The following HTR4 variants were observed in gnomAD, a reference collection of about 807,000 sequenced individuals.
HTR4 encodes 5-hydroxytryptamine receptor 4.
HTR4 carries 16 observed loss-of-function variants against 36.8 expected under a neutral mutation model. The observed-to-expected ratio is 0.43, with a 90% CI of 0.29 to 0.66. HTR4 has a LOEUF of 0.66. Among genes scored for constraint, HTR4 ranks in the 30% least tolerant of loss-of-function variants. HTR4 has a pLI of 0.13. For synonymous variants in HTR4, 189 were observed against 185.1 expected (o/e 1.02, Z -0.17); for missense variants, 438 against 490.9 (o/e 0.89, Z 1.02).
At position 148,605,345 on chromosome 5, in the gene HTR4, G is replaced by A. The variant is rs146329033; in HGVS notation, c.26+31644C>T. ...GTGATCTCGGCTCACTGCAACCTCC[G>A]CCTCCCAGGTTCAAGCGATTCTCCT... is the stretch of plus-strand genomic sequence containing the variant. On this transcript the variant is annotated intron_variant, in intron 2 of 6. Coordinates refer to ENST00000377888, the MANE Select transcript of HTR4 (RefSeq NM_000870.7). Among the ~76,000 whole-genome samples the A allele has an allele frequency of 7.5e-3, 1,025 of 136,742 alleles. 14 individuals are homozygous for A. The highest frequency in any genetic ancestry group is 0.027 in the African/African-American group (974 of 36,056). 89.7% of individuals were successfully genotyped at this position (136,742 alleles called of 152,430 possible). A position where few individuals can be genotyped will look rare whatever the true frequency, so the allele number is the denominator to read the frequency against.
chr5:148,614,542 A>G (rs541164499), intron 2 of HTR4, among the ~76,000 whole-genome samples: 133 of 152,350 alleles, frequency 8.7e-4, no homozygotes, highest in African/African-American at 2.8e-3. Flanking sequence ...AAGGTGGATT[A>G]AAGACTTAAA....
downstream of HTR4, among the ~76,000 whole-genome samples, chr5:148,479,368 A>C (rs2113713012): frequency 6.6e-6 from 1 of 152,238 alleles, no homozygotes; most frequent in African/African-American, 2.4e-5. Flanking sequence ...GTTACCGAGA[A>C]GCTCCACAAG....
chr5:148,557,613 C>G (rs566449853), intron 2 of HTR4, among the ~76,000 whole-genome samples: 1 of 151,970 alleles, frequency 6.6e-6, no homozygotes, highest in East Asian at 1.9e-4. Context: ...TCTTGATGAA[C>G]AGCAGTACTG....
chr5:148,453,614 A>T (rs1261160769), intron 5 of HTR4, among the ~76,000 whole-genome samples: 1 of 151,992 alleles, frequency 6.6e-6, no homozygotes, highest in African/African-American at 2.4e-5. Flanking sequence ...TCAAGGATGC[A>T]GCTGGTTGAG....
intron 2 of HTR4, among the ~76,000 whole-genome samples, chr5:148,565,736 A>G (rs1760406780): frequency 6.6e-6 from 1 of 152,168 alleles, no homozygotes; most frequent in South Asian, 2.1e-4. Context: ...CAGGTGGAGA[A>G]TAATGGTGGG....
At chr5:148,637,120 C>T in intron 1 of HTR4, 59 bp from the exon 2 acceptor site, 3 of 1,151,192 alleles carry the variant, frequency 2.6e-6, no homozygotes, top group Non-Finnish European at 2.6e-6. Flanking sequence ...AAATACAAGT[C>T]CTTGTTTTAA....
At chr5:148,514,297 T>C (rs113272640) in intron 5 of HTR4, among the ~76,000 whole-genome samples, 1 of 152,172 alleles carries the variant, frequency 6.6e-6, no homozygotes, top group Non-Finnish European at 1.5e-5. Flanking sequence ...TTGATGAGAT[T>C]TTTAAAAAAT....
intron 2 of HTR4, among the ~76,000 whole-genome samples, chr5:148,607,457 A>G (rs950934875): frequency 1.3e-5 from 2 of 152,224 alleles, no homozygotes; most frequent in Non-Finnish European, 2.9e-5. Context: ...AAATAAAATT[A>G]GTCATTTTTT....
chr5:148,650,062 G>A (rs1332279354), intron 1 of HTR4, among the ~76,000 whole-genome samples: 2 of 151,868 alleles, frequency 1.3e-5, no homozygotes, highest in African/African-American at 4.8e-5. Context: ...ATTTTTGTGG[G>A]TACATAGTAG....
chr5:148,523,489 G>A (rs191977381), intron 4 of HTR4, 143 bp from the exon 5 acceptor site: 6 of 524,930 alleles, frequency 1.1e-5, no homozygotes, highest in South Asian at 4.8e-5. Context: ...GAGAAGAGTC[G>A]GAGGGGAAGC....
rs1269007775 is a variant in HTR4 at position 148,489,798 on chromosome 5, G to C, written c.1077-6505C>G. ...ACACCAGATTGGATCAGGCCAAGAAGGGTTTCATATACCCTTCCCTCTCTG... is the reference window on the plus strand; with the variant it reads ...ACACCAGATTGGATCAGGCCAAGAACGGTTTCATATACCCTTCCCTCTCTG... On this transcript the variant is annotated intron_variant, in intron 6 of 6. Coordinates refer to ENST00000377888, the MANE Select transcript of HTR4 (RefSeq NM_000870.7). Among the ~76,000 whole-genome samples the C allele has an allele frequency of 2.0e-5, 3 of 152,206 alleles. No individual in the cohort carries two copies. In the East Asian group the frequency reaches 5.8e-4, roughly 29 times the overall value.
intron 4 of HTR4, among the ~76,000 whole-genome samples, chr5:148,535,324 G>A (rs116647035): frequency 0.011 from 1,633 of 152,312 alleles, 21 homozygotes; most frequent in South Asian, 0.057. Context: ...AATGACCAGA[G>A]CATTGTTATG....
At chr5:148,544,793 C>A (rs1260245395) in intron 4 of HTR4, among the ~76,000 whole-genome samples, 1 of 152,176 alleles carries the variant, frequency 6.6e-6, no homozygotes, top group Non-Finnish European at 1.5e-5. Context: ...TTTTGTAGTA[C>A]TAAAGGAGTC....
At chr5:148,526,700 A>C (rs1023079795) in intron 4 of HTR4, among the ~76,000 whole-genome samples, 1 of 152,190 alleles carries the variant, frequency 6.6e-6, no homozygotes, top group Non-Finnish European at 1.5e-5. Flanking sequence ...CCATCATAAA[A>C]AAAATAAAAT....
chr5:148,612,802 AAG>A (rs1448157254), intron 2 of HTR4, among the ~76,000 whole-genome samples: 1 of 142,970 alleles, frequency 7.0e-6, no homozygotes, highest in Non-Finnish European at 1.5e-5. Flanking sequence ...TAAAGAAAAA[AAG>A]AGAGAAGAAT....
At chr5:148,638,647 C>A (rs73797937) in intron 1 of HTR4, among the ~76,000 whole-genome samples, 1 of 152,100 alleles carries the variant, frequency 6.6e-6, no homozygotes, top group African/African-American at 2.4e-5. Flanking sequence ...CTGCTCTTCC[C>A]CAGTGTTCTC....
chr5:148,616,644 A>T (rs912376799), intron 2 of HTR4, among the ~76,000 whole-genome samples: 6 of 152,226 alleles, frequency 3.9e-5, no homozygotes, highest in African/African-American at 1.4e-4. Context: ...AAATATAGAC[A>T]CATGAATGAA....
At chr5:148,456,556 G>C (rs770160896) in intron 5 of HTR4, among the ~76,000 whole-genome samples, 12 of 152,134 alleles carry the variant, frequency 7.9e-5, no homozygotes, top group Non-Finnish European at 1.3e-4. Flanking sequence ...GGTCAAATAA[G>C]TTACTCCCAC....
At chr5:148,549,761 A>T (rs1759589217) in intron 3 of HTR4, among the ~76,000 whole-genome samples, 1 of 145,294 alleles carries the variant, frequency 6.9e-6, no homozygotes, top group Non-Finnish European at 1.6e-5. Flanking sequence ...AGACTGATGA[A>T]GTAGAAGTGC....
Sources: allele counts gnomAD v4.1 joint callset (sites outside exome capture counted in the v4.1 genomes callset), GRCh38; gene constraint gnomAD v4.1.1; transcripts MANE v1.5; gene names NCBI Gene and HGNC (gene_info 2026-07-23, HGNC 2026-07-21).